ALG12: variants seen among roughly 807,000 people sequenced by gnomAD.
ALG12 encodes dol-P-Man:Man(7)GlcNAc(2)-PP-Dol alpha-1,6-mannosyltransferase.
Under a neutral mutation model 46.0 loss-of-function variants are expected in ALG12, and 36 were observed. The ratio of observed to expected loss-of-function variants is 0.78; its 90% CI spans 0.60 to 1.03. The LOEUF is 1.03. Ranked by LOEUF, ALG12 falls within the 50% of genes least tolerant of loss-of-function variation. The pLI is 0.00. For synonymous variants in ALG12, 326 were observed against 291.6 expected (o/e 1.12, Z -1.20); for missense variants, 599 against 633.5 (o/e 0.95, Z 0.58).
chr22:49,912,140 C>T (rs553607454), intron 3 of ALG12, among the ~76,000 whole-genome samples: 35 of 147,090 alleles, frequency 2.4e-4, no homozygotes, highest in African/African-American at 8.6e-4. Flanking sequence ...GGATCACCCT[C>T]GGCCCCGGGA....
the ALG12 span, chr22:49,884,431 C>G: frequency 6.2e-7 from 1 of 1,614,068 alleles, no homozygotes; most frequent in Non-Finnish European, 8.5e-7. Context: ...GTCGTCTCCC[C>G]ACCTCCCTGC....
chr22:49,881,341 C>T, the ALG12 span, among the ~76,000 whole-genome samples: 56 of 152,220 alleles, frequency 3.7e-4, no homozygotes, highest in Non-Finnish European at 7.5e-4. Flanking sequence ...ACAGAGTGAT[C>T]CGTCTCAAAA....
At chr22:49,897,768 G>A (rs1304126226), downstream of ALG12, among the ~76,000 whole-genome samples, 4 of 141,162 alleles carry the variant, frequency 2.8e-5, no homozygotes, top group African/African-American at 5.3e-5. Flanking sequence ...CCATTCTCTT[G>A]CCTCAGCCTC....
chr22:49,907,909 C>G lies in ALG12; in HGVS notation c.804G>C (p.Leu268=), dbSNP rs771276914. The G allele has an allele frequency of 4.3e-6, 7 of 1,613,342 alleles. No homozygotes were observed. The African/African-American group carries it at 8.0e-5, about 18-fold the overall frequency. The change falls in exon 7 of 10, where the codon CTG becomes CTC. Residue 268 remains leucine (L), a synonymous_variant. Transcript: ENST00000330817. ...GCAGGCTGCAGCCCAGGCCGCGGGG[C>G]AGGGCTGAGTAGAAGTACCACAGCA... ...SPLLWYFYSA[L]PRGLGCSLLF... is the part of the protein sequence containing the mutation.
At chr22:49,907,498 C>T (rs2060548891) in intron 7 of ALG12, among the ~76,000 whole-genome samples, 1 of 152,286 alleles carries the variant, frequency 6.6e-6, no homozygotes, top group South Asian at 2.1e-4. Context: ...AAAAAACAGC[C>T]CTGGTGGCTC....
chr22:49,886,437 C>A, the ALG12 span: 1 of 1,583,396 alleles, frequency 6.3e-7, no homozygotes, highest in Non-Finnish European at 8.6e-7. The surrounding 1 kb of genome is among the most constrained non-coding windows in gnomAD (Gnocchi z 7.7). Context: ...TCAGCTGCGA[C>A]CAGTGGGAGG....
rs548716343 is a variant in ALG12 at position 49,906,281 on chromosome 22, G to A, written c.992+1440C>T. On this transcript the variant is annotated intron_variant, in intron 7 of 9. Coordinates refer to ENST00000330817, the MANE Select transcript of ALG12 (RefSeq NM_024105.4). This position sits in a 1 kb window ranked among gnomAD's most constrained non-coding sequence, Gnocchi z 4.4. Reference sequence around the variant, plus strand: ...ACAATCCATCCGCGCCGCTCTCCCCGTCTTTCCTACCCTCTTTTCCATGAC... The same window carrying A: ...ACAATCCATCCGCGCCGCTCTCCCCATCTTTCCTACCCTCTTTTCCATGAC... Among the ~76,000 whole-genome samples the A allele has an allele frequency of 5.3e-5, 8 of 152,260 alleles. No individual in the cohort carries two copies. In the South Asian group the frequency reaches 1.0e-3, roughly 20 times the overall value.
rs12159336 is a variant in ALG12 at position 49,915,316 on chromosome 22, C to T, written c.-78-1473G>A. On this transcript the variant is annotated intron_variant, in intron 1 of 9. Transcript: ENST00000330817. ...GCTCATTCCCATAATCCCAGCTCTT[C>T]GGGAGGCTGAGGTGGGTGGATCACG... Among the ~76,000 whole-genome samples the T allele has an allele frequency of 8.8e-4, 134 of 152,096 alleles. 1 individual carries two copies. The highest frequency in any genetic ancestry group is 2.9e-3 in the African/African-American group (120 of 41,472).
the ALG12 span, chr22:49,886,483 G>A: frequency 2.5e-6 from 4 of 1,569,130 alleles, no homozygotes; most frequent in Non-Finnish European, 2.6e-6. The surrounding 1 kb of genome is among the most constrained non-coding windows in gnomAD (Gnocchi z 7.7). Flanking sequence ...AAAGCCCTTC[G>A]AGGCTGCGAG....
At chr22:49,908,026 G>T in intron 6 of ALG12, 82 bp from the exon 7 acceptor site, 2 of 1,391,184 alleles carry the variant, frequency 1.4e-6, no homozygotes, top group Non-Finnish European at 2.0e-6. Flanking sequence ...TGGAGAAGAC[G>T]CTTGAAGACA....
chr22:49,872,617 C>G, the ALG12 span, among the ~76,000 whole-genome samples: 1 of 152,186 alleles, frequency 6.6e-6, no homozygotes, highest in Non-Finnish European at 1.5e-5. Flanking sequence ...GCAGTCTCAA[C>G]CTCTTGGTCT....
At chr22:49,883,888 T>A in the ALG12 span, 7 of 1,607,380 alleles carry the variant, frequency 4.4e-6, no homozygotes, top group Non-Finnish European at 6.0e-6. Context: ...GAAGTACTTG[T>A]CTGCAGAGAG....
the ALG12 span, among the ~76,000 whole-genome samples, chr22:49,860,299 A>AAAAAC: frequency 1.7e-4 from 26 of 152,372 alleles, no homozygotes; most frequent in East Asian, 1.3e-3. Context: ...ACCCTGTATC[A>AAAAAC]AAAACAAAAC....
the ALG12 span, chr22:49,886,269 A>G: frequency 3.7e-6 from 5 of 1,341,090 alleles, no homozygotes; most frequent in Non-Finnish European, 5.2e-6. This position sits in a 1 kb window ranked among gnomAD's most constrained non-coding sequence, Gnocchi z 7.7. Flanking sequence ...CGAAGGAGAA[A>G]CTGGCCGAGC....
Position 49,902,622 on chromosome 22 carries a change from T to TGC in ALG12, c.*1215_*1216insGC, listed in dbSNP as rs2060518790. On this transcript the variant is annotated 3_prime_UTR_variant, in exon 10 of 10. Coordinates refer to ENST00000330817, the MANE Select transcript of ALG12 (RefSeq NM_024105.4). ...ATGGTGTGTGCACGTGTGCACTGTG[T>TGC]ATGCATGGTAATGTGCACGTGTGCA... 6.8e-6 allele frequency: 1 copy of TGC among 147,072 alleles called. No homozygotes were observed. 9.1% of individuals were successfully genotyped at this position (147,072 alleles called of 1,614,324 possible). A position where few individuals can be genotyped will look rare whatever the true frequency, so the allele number is the denominator to read the frequency against.
chr22:49,877,269 ATT>A, the ALG12 span, among the ~76,000 whole-genome samples: 1 of 7,170 alleles, frequency 1.4e-4, no homozygotes, highest in Non-Finnish European at 7.1e-4. Flanking sequence ...TTATTTATTT[ATT>A]TATTTATTTA....
the ALG12 span, among the ~76,000 whole-genome samples, chr22:49,895,091 T>C: frequency 2.0e-5 from 3 of 152,214 alleles, no homozygotes; most frequent in Non-Finnish European, 4.4e-5. Flanking sequence ...CACCATGCTG[T>C]ACACATTGCT....
At chr22:49,884,582 T>C in the ALG12 span, 1 of 1,612,738 alleles carries the variant, frequency 6.2e-7, no homozygotes, top group Non-Finnish European at 8.5e-7. Flanking sequence ...GCTGTCTGCA[T>C]TCACTGCATG....
chr22:49,880,986 T>A, the ALG12 span, among the ~76,000 whole-genome samples: 2 of 152,256 alleles, frequency 1.3e-5, no homozygotes, highest in African/African-American at 4.8e-5. Context: ...AAGCATATTT[T>A]AAAAATTTTA....
Sources: allele counts gnomAD v4.1 joint callset (sites outside exome capture counted in the v4.1 genomes callset), GRCh38; gene constraint gnomAD v4.1.1; non-coding constraint Gnocchi (gnomAD v3.1); transcripts MANE v1.5; gene names NCBI Gene and HGNC (gene_info 2026-07-23, HGNC 2026-07-21).